ARMC8: variants seen among roughly 807,000 people sequenced by gnomAD.
The protein encoded by ARMC8 is armadillo repeat-containing protein 8.
ARMC8 carries 20 observed loss-of-function variants against 99.3 expected under a neutral mutation model. The ratio of observed to expected loss-of-function variants is 0.20; its 90% CI spans 0.14 to 0.29. The LOEUF is 0.29. Among genes scored for constraint, ARMC8 ranks in the 10% least tolerant of loss-of-function variants. ARMC8 has a pLI of 1.00. For missense variants in ARMC8, 569 were observed against 809.5 expected, an observed-to-expected ratio of 0.70 and a Z score of 3.60; for synonymous variants, 263 against 278.3, an observed-to-expected ratio of 0.95 and a Z score of 0.55.
intron 14 of ARMC8, among the ~76,000 whole-genome samples, chr3:138,264,609 G>A (rs375721206): frequency 6.6e-5 from 10 of 151,174 alleles, no homozygotes; most frequent in East Asian, 1.9e-4. Flanking sequence ...TAGTAGAGGC[G>A]GGGTTTCACC....
At chr3:138,195,944 G>A (rs928904821) in intron 1 of ARMC8, among the ~76,000 whole-genome samples, 4 of 151,992 alleles carry the variant, frequency 2.6e-5, no homozygotes, top group Non-Finnish European at 4.4e-5. Flanking sequence ...CATAATGTAG[G>A]TATTAGAGGA....
chr3:138,246,466 A>G, intron 12 of ARMC8: 14 of 985,418 alleles, frequency 1.4e-5, no homozygotes, highest in Non-Finnish European at 1.7e-5. Flanking sequence ...GTGTATTGCA[A>G]GGGGAGAGGC....
At chr3:138,283,382 G>A (rs1439839408) in intron 18 of ARMC8, among the ~76,000 whole-genome samples, 2 of 152,180 alleles carry the variant, frequency 1.3e-5, no homozygotes, top group African/African-American at 4.8e-5. Context: ...ATTCCTGACT[G>A]GGTTCCAGGA....
intron 5 of ARMC8, among the ~76,000 whole-genome samples, chr3:138,226,923 C>T (rs1046212408): frequency 4.6e-5 from 7 of 152,078 alleles, no homozygotes; most frequent in East Asian, 1.9e-4. Flanking sequence ...TTTATGCCTC[C>T]GATATTTTAT....
chr3:138,266,451 A>T (rs751118272), intron 14 of ARMC8, among the ~76,000 whole-genome samples: 3 of 152,130 alleles, frequency 2.0e-5, no homozygotes, highest in Non-Finnish European at 2.9e-5. Flanking sequence ...TGAGGAATTC[A>T]TGTACCTATT....
At chr3:138,231,781 G>C (rs190914005) in intron 6 of ARMC8, among the ~76,000 whole-genome samples, 1 of 144,804 alleles carries the variant, frequency 6.9e-6, no homozygotes, top group African/African-American at 2.7e-5. Flanking sequence ...CCCCATCTCT[G>C]GGGGGGGAAA....
chr3:138,213,488 A>G (rs1464789981), intron 2 of ARMC8, among the ~76,000 whole-genome samples: 1 of 152,216 alleles, frequency 6.6e-6, no homozygotes, highest in Non-Finnish European at 1.5e-5. Flanking sequence ...TCATGTGCAT[A>G]ACTGAATAGA....
intron 2 of ARMC8, among the ~76,000 whole-genome samples, chr3:138,217,832 C>G (rs911736515): frequency 6.6e-6 from 1 of 152,226 alleles, no homozygotes; most frequent in South Asian, 2.1e-4. Flanking sequence ...TGTCTTCTCT[C>G]TAAGCTTTCT....
chr3:138,294,419 T>C (rs941962141), intron 21 of ARMC8, among the ~76,000 whole-genome samples: 1 of 152,198 alleles, frequency 6.6e-6, no homozygotes, highest in Non-Finnish European at 1.5e-5. Context: ...ATTCATAAAC[T>C]TGTTTCTGAA....
At chr3:138,258,582 G>C (rs2047514864) in intron 12 of ARMC8, among the ~76,000 whole-genome samples, 2 of 152,168 alleles carry the variant, frequency 1.3e-5, no homozygotes, top group South Asian at 4.1e-4. Flanking sequence ...TCTGGACTGA[G>C]TGCCCCTCTT....
chr3:138,227,875 G>C (rs1487219893), intron 5 of ARMC8, among the ~76,000 whole-genome samples: 2 of 152,188 alleles, frequency 1.3e-5, no homozygotes, highest in Non-Finnish European at 2.9e-5. Context: ...CATAACTTTT[G>C]TGATGTCATT....
At chr3:138,222,387 C>T (rs906562405) in intron 3 of ARMC8, among the ~76,000 whole-genome samples, 1 of 152,144 alleles carries the variant, frequency 6.6e-6, no homozygotes, top group Non-Finnish European at 1.5e-5. Flanking sequence ...GAAAAAAACC[C>T]TGCTTGATTT....
chr3:138,279,442 A>G (rs2049651356), intron 18 of ARMC8, among the ~76,000 whole-genome samples: 1 of 152,118 alleles, frequency 6.6e-6, no homozygotes, highest in Non-Finnish European at 1.5e-5. Context: ...GTTAGATTCA[A>G]TTTACTGAAA....
chr3:138,249,687 C>G (rs957371119), intron 12 of ARMC8, among the ~76,000 whole-genome samples: 2 of 152,046 alleles, frequency 1.3e-5, no homozygotes, highest in Admixed American at 1.3e-4. Flanking sequence ...TTACTCAATT[C>G]TGCATAGACT....
Position 138,187,474 on chromosome 3 carries a change from C to T in ARMC8, c.-81C>T. On this transcript the variant is annotated 5_prime_UTR_variant, in exon 1 of 22. Transcript: ENST00000469044. ...ATCTGGCTGCCTTTAGGGAGCGGTGCCTAGCGTTGGCCAATAGTTGGCTGT... is the reference window on the plus strand; with the variant it reads ...ATCTGGCTGCCTTTAGGGAGCGGTGTCTAGCGTTGGCCAATAGTTGGCTGT... 2 of 1,434,876 alleles carry T rather than the reference C, an allele frequency of 1.4e-6. No individual in the cohort carries two copies. The highest frequency in any genetic ancestry group is 2.4e-5 in the South Asian group (2 of 81,672). The allele number at this position is 1,434,876 out of a possible 1,614,324, so 88.9% of individuals were successfully genotyped here. A position where few individuals can be genotyped will look rare whatever the true frequency, so the allele number is the denominator to read the frequency against.
chr3:138,214,159 TA>T (rs58183163), intron 2 of ARMC8, among the ~76,000 whole-genome samples: 659 of 139,360 alleles, frequency 4.7e-3, no homozygotes, highest in Non-Finnish European at 4.7e-3. Context: ...TTGTTTTGTT[TA>T]AAAAAAAAAA....
chr3:138,237,471 T>A lies in ARMC8; in HGVS notation c.686-11T>A. 1 of 1,613,394 alleles carries A rather than the reference T, an allele frequency of 6.2e-7. No homozygotes were observed. Among genetic ancestry groups the A allele is most frequent in the Non-Finnish European group, 8.5e-7 (1 of 1,179,484 alleles). ...AATTTCCTTAATCATTGTTGTTTGT[T>A]TTATTTCTAGTTTTGGTTGATGGAG... On this transcript the variant is annotated splice_polypyrimidine_tract_variant and intron_variant, in intron 8 of 21. Transcript: ENST00000469044.
intron 12 of ARMC8, among the ~76,000 whole-genome samples, chr3:138,249,274 T>C (rs922569524): frequency 1.3e-5 from 2 of 151,992 alleles, no homozygotes; most frequent in African/African-American, 4.8e-5. Context: ...ATGGAGAAAA[T>C]ATACCTCTGG....
chr3:138,216,606 A>T (rs2045057698), intron 2 of ARMC8, among the ~76,000 whole-genome samples: 1 of 152,202 alleles, frequency 6.6e-6, no homozygotes, highest in African/African-American at 2.4e-5. Context: ...TATGTTTGTG[A>T]TTCTCACAGT....
Sources: gnomAD v4.1 joint callset for allele counts (sites outside exome capture counted in the v4.1 genomes callset) on GRCh38, gnomAD v4.1.1 for gene constraint, MANE v1.5 for transcripts, NCBI Gene and HGNC (gene_info 2026-07-23, HGNC 2026-07-21) for gene names.